Variants in IL31RA observed in about 807,000 individuals in gnomAD.
The protein encoded by IL31RA is interleukin 31 receptor A, also known as interleukin-31 receptor subunit alpha.
Under a neutral mutation model 83.7 loss-of-function variants are expected in IL31RA, and 66 were observed. That is an observed-to-expected ratio of 0.79 (90% CI 0.65 to 0.97). The LOEUF is 0.97. IL31RA is among the 50% of genes least tolerant of loss of function. The pLI is 0.00. For missense variants in IL31RA, 798 were observed against 919.4 expected, an observed-to-expected ratio of 0.87 and a Z score of 1.71; for synonymous variants, 325 against 329.0, an observed-to-expected ratio of 0.99 and a Z score of 0.13.
intron 10 of IL31RA, among the ~76,000 whole-genome samples, chr5:55,907,690 G>C (rs924818143): frequency 2.0e-5 from 3 of 152,190 alleles, no homozygotes; most frequent in African/African-American, 7.2e-5. Context: ...TTAAAACTCA[G>C]AGAGGTGAAA....
At chr5:55,864,340 T>TAC (rs34526562) in intron 2 of IL31RA, among the ~76,000 whole-genome samples, 14,725 of 63,638 alleles carry the variant, frequency 0.23, 1,298 homozygotes, top group East Asian at 0.46. Context: ...CACACCACAC[T>TAC]ACACACACAC....
At chr5:55,846,756 C>A (rs1164650089), upstream of IL31RA, among the ~76,000 whole-genome samples, 1 of 152,126 alleles carries the variant, frequency 6.6e-6, no homozygotes, top group Non-Finnish European at 1.5e-5. Context: ...CATGCCACTG[C>A]ACTCCAGCCT....
At chr5:55,860,749 C>T (rs1424885987) in intron 2 of IL31RA, among the ~76,000 whole-genome samples, 8 of 152,162 alleles carry the variant, frequency 5.3e-5, no homozygotes, top group Admixed American at 5.2e-4. Context: ...AGAGCAGAGA[C>T]ACTGGTCTGG....
At chr5:55,901,174 G>A (rs375703399) in intron 8 of IL31RA, among the ~76,000 whole-genome samples, 18 of 152,250 alleles carry the variant, frequency 1.2e-4, no homozygotes, top group African/African-American at 4.3e-4. Flanking sequence ...ATTTTAGTTA[G>A]CATTTAATAG....
intron 11 of IL31RA, chr5:55,908,898 A>G (rs1749330884): frequency 7.9e-7 from 1 of 1,271,544 alleles, no homozygotes; most frequent in Non-Finnish European, 9.9e-7. Context: ...AAATACACGT[A>G]AAATATTTTT....
At chr5:55,906,323 C>T (rs1310833460) in intron 9 of IL31RA, 35 bp downstream of exon 9, 2 of 1,601,430 alleles carry the variant, frequency 1.2e-6, no homozygotes, top group South Asian at 1.1e-5. Flanking sequence ...TCCCTCAGTG[C>T]AGGGTTTGGT....
chr5:55,843,062 A>G, the IL31RA span, among the ~76,000 whole-genome samples: 1 of 152,100 alleles, frequency 6.6e-6, no homozygotes, highest in Non-Finnish European at 1.5e-5. Flanking sequence ...GTTCAGGTTA[A>G]TCTTCCCTTT....
rs749791194 is a variant in IL31RA at position 55,907,446 on chromosome 5, A to T, written c.1340A>T (p.Tyr447Phe). ...GGCGAGCCATATTCCATCCAGGCTT[A>T]TGCCAAAGAAGGCGGTATGAATGGA... ...KVGEPYSIQA[Y>F]AKEGVPSEGP... Residue 447 changes from tyrosine (Y) to phenylalanine (F), a missense_variant, in exon 10 of 15, where the codon TAT (tyrosine) becomes TTT (phenylalanine). By Grantham distance (22) the Tyr-to-Phe change is conservative. Transcript: ENST00000652347. The T allele has an allele frequency of 4.3e-6, 7 of 1,610,332 alleles. No homozygotes were observed. The highest frequency in any genetic ancestry group is 6.0e-6 in the Non-Finnish European group (7 of 1,176,434).
At chr5:55,883,788 C>A (rs1422403817) in intron 5 of IL31RA, among the ~76,000 whole-genome samples, 2 of 152,168 alleles carry the variant, frequency 1.3e-5, no homozygotes, top group Non-Finnish European at 2.9e-5. Flanking sequence ...GTTTAAGAGA[C>A]TATGCCCTGT....
intron 3 of IL31RA, among the ~76,000 whole-genome samples, chr5:55,871,342 C>G (rs1746493057): frequency 6.6e-6 from 1 of 152,152 alleles, no homozygotes; most frequent in Non-Finnish European, 1.5e-5. Flanking sequence ...TGTATGTATT[C>G]CATGTGTATA....
At chr5:55,911,155 A>G (rs1479969429) in intron 12 of IL31RA, among the ~76,000 whole-genome samples, 1 of 150,258 alleles carries the variant, frequency 6.7e-6, no homozygotes, top group Non-Finnish European at 1.5e-5. Context: ...GAAGCCTCAC[A>G]GTCATGGTGG....
At chr5:55,853,350 A>G (rs2112266845) in intron 1 of IL31RA, 3 of 1,304,932 alleles carry the variant, frequency 2.3e-6, no homozygotes, top group East Asian at 2.8e-5. Flanking sequence ...ATTTCCCAGC[A>G]TAAGTGGGTA....
intron 3 of IL31RA, among the ~76,000 whole-genome samples, chr5:55,871,672 T>C (rs753854924): frequency 4.1e-4 from 62 of 152,252 alleles, no homozygotes; most frequent in Admixed American, 2.9e-3. Flanking sequence ...AGCTTGAACA[T>C]TTTGATGATC....
At chr5:55,908,599 TGA>T in intron 11 of IL31RA, 188 bp downstream of exon 11, 1 of 1,551,164 alleles carries the variant, frequency 6.4e-7, no homozygotes, top group Non-Finnish European at 8.7e-7. Flanking sequence ...GGGGGTTAAA[TGA>T]GAGTGAAGTG....
chr5:55,911,519 A>G (rs943857519), intron 12 of IL31RA, among the ~76,000 whole-genome samples: 6 of 152,146 alleles, frequency 3.9e-5, no homozygotes, highest in African/African-American at 1.4e-4. Flanking sequence ...AAGACATATG[A>G]TATATTTAAC....
At chr5:55,912,183 T>C (rs1231658213) in intron 12 of IL31RA, among the ~76,000 whole-genome samples, 3 of 152,200 alleles carry the variant, frequency 2.0e-5, no homozygotes, top group Non-Finnish European at 2.9e-5. Flanking sequence ...TTTGATCCTC[T>C]ATAATCCATT....
chr5:55,862,311 T>C (rs900946148), intron 2 of IL31RA, among the ~76,000 whole-genome samples: 3 of 152,252 alleles, frequency 2.0e-5, no homozygotes, highest in African/African-American at 7.2e-5. Flanking sequence ...TTGCCAAAAC[T>C]AAGAAATTGA....
chr5:55,913,887 TTC>T (rs1273813046), intron 13 of IL31RA, among the ~76,000 whole-genome samples: 3 of 152,150 alleles, frequency 2.0e-5, no homozygotes, highest in Non-Finnish European at 2.9e-5. Context: ...AGCAGACCCT[TTC>T]TCTCAGTGTC....
upstream of IL31RA, among the ~76,000 whole-genome samples, chr5:55,847,759 T>C (rs1744970985): frequency 6.6e-6 from 1 of 152,206 alleles, no homozygotes; most frequent in Non-Finnish European, 1.5e-5. Context: ...AGTTTTTCCA[T>C]TAATGTCCTT....
Sources: gnomAD v4.1 joint callset for allele counts (sites outside exome capture counted in the v4.1 genomes callset) on GRCh38, gnomAD v4.1.1 for gene constraint, MANE v1.5 for transcripts, NCBI Gene and HGNC (gene_info 2026-07-23, HGNC 2026-07-21) for gene names.